EPS15: variants seen among roughly 807,000 people sequenced by gnomAD.
EPS15 encodes epidermal growth factor receptor pathway substrate 15.
A neutral mutation model predicts 113.8 loss-of-function variants in EPS15; 72 were observed. That is an observed-to-expected ratio of 0.63 (90% CI 0.52 to 0.77). The LOEUF is 0.77. Ranked by LOEUF, EPS15 falls within the 30% of genes least tolerant of loss-of-function variation. EPS15 has a pLI of 0.00. For missense variants in EPS15, 1,048 were observed against 1,045.8 expected, an observed-to-expected ratio of 1.00 and a Z score of -0.03; for synonymous variants, 344 against 363.4, an observed-to-expected ratio of 0.95 and a Z score of 0.61.
chr1:51,503,028 C>A, intron 1 of EPS15, among the ~76,000 whole-genome samples: 1 of 147,600 alleles, frequency 6.8e-6, no homozygotes, highest in Non-Finnish European at 1.5e-5. Context: ...AAAAAGAATT[C>A]CATTCACAAT....
intron 17 of EPS15, among the ~76,000 whole-genome samples, chr1:51,403,063 A>C (rs1045735794): frequency 1.3e-5 from 2 of 152,172 alleles, no homozygotes; most frequent in African/African-American, 4.8e-5. Context: ...AGTGATAAGG[A>C]CATTTTTTTA....
chr1:51,449,121 A>C (rs910837860), intron 8 of EPS15, among the ~76,000 whole-genome samples: 3 of 152,224 alleles, frequency 2.0e-5, no homozygotes, highest in Non-Finnish European at 2.9e-5. Context: ...ATTGTTTATC[A>C]TAAAGACATA....
chr1:51,408,010 T>C (rs1649293151), intron 15 of EPS15, 125 bp downstream of exon 15: 2 of 800,978 alleles, frequency 2.5e-6, no homozygotes, highest in Non-Finnish European at 4.3e-6. Context: ...ACCTATTGTA[T>C]AAAATGACTG....
At chr1:51,405,341 G>C (rs779813644) in intron 16 of EPS15, among the ~76,000 whole-genome samples, 11 of 151,706 alleles carry the variant, frequency 7.3e-5, no homozygotes, top group Non-Finnish European at 1.3e-4. Context: ...CTTTTGGTGA[G>C]GGTACTTAAA....
chr1:51,387,087 C>T (rs1647100998), intron 21 of EPS15, among the ~76,000 whole-genome samples: 2 of 152,162 alleles, frequency 1.3e-5, no homozygotes, highest in Admixed American at 6.5e-5. Context: ...GGGTTACCCA[C>T]AAAGGGAAGC....
At chr1:51,508,124 G>A (rs1197743765) in intron 1 of EPS15, among the ~76,000 whole-genome samples, 1 of 150,854 alleles carries the variant, frequency 6.6e-6, no homozygotes, top group Non-Finnish European at 1.5e-5. Context: ...GGAGGTTGCA[G>A]TGAGCTGAGA....
chr1:51,378,563 G>A (rs967625155), intron 21 of EPS15, among the ~76,000 whole-genome samples: 15 of 152,140 alleles, frequency 9.9e-5, no homozygotes, highest in Non-Finnish European at 2.1e-4. Context: ...TCCAAGGAAG[G>A]AGTTGTAAGA....
rs184294918 is a variant in EPS15, at chr1:51,489,559, T to C, written c.34-8245A>G. ...TCTCAAACTCCTGGCCTCAGGTGAC[T>C]AGTACAGCATCTTAAGGTGTTTAGG... On this transcript the variant is annotated intron_variant, in intron 1 of 24. Coordinates refer to ENST00000371733, the MANE Select transcript of EPS15 (RefSeq NM_001981.3). Among the ~76,000 whole-genome samples the C allele has an allele frequency of 6.6e-5, 10 of 152,076 alleles. No individual in the cohort carries two copies. The East Asian group carries it at 1.5e-3, about 24-fold the overall frequency.
intron 1 of EPS15, among the ~76,000 whole-genome samples, chr1:51,499,285 T>C (rs753843828): frequency 7.2e-5 from 11 of 152,378 alleles, no homozygotes; most frequent in Non-Finnish European, 1.2e-4. Flanking sequence ...TTTCAAGTCT[T>C]CAAGGTTTCT....
At chr1:51,499,104 A>C (rs2148548011) in intron 1 of EPS15, among the ~76,000 whole-genome samples, 1 of 152,320 alleles carries the variant, frequency 6.6e-6, no homozygotes, top group Non-Finnish European at 1.5e-5. Flanking sequence ...TCAGACACTG[A>C]ATCTGCTAGC....
At chr1:51,364,089 G>T in intron 22 of EPS15, 61 bp from the exon 23 acceptor site, 2 of 1,260,464 alleles carry the variant, frequency 1.6e-6, no homozygotes, top group Non-Finnish European at 1.1e-6. Context: ...TAGTCATGTA[G>T]CATTCAGAAT....
intron 13 of EPS15, among the ~76,000 whole-genome samples, chr1:51,415,535 G>A (rs909899176): frequency 2.6e-5 from 4 of 151,866 alleles, no homozygotes; most frequent in Admixed American, 6.6e-5. Context: ...GGTGGCTCAC[G>A]CCTGTAATCT....
chr1:51,437,383 CATT>C lies in EPS15; in HGVS notation c.1040+2961_1040+2963del, dbSNP rs1283515299. On this transcript the variant is annotated intron_variant, in intron 12 of 24. Transcript: ENST00000371733. ...TACAATGAATATGTATTATAACTAT[CATT>C]AAGAAAAAAGTATTATAAAGTACTA... Among the ~76,000 whole-genome samples the C allele has an allele frequency of 5.9e-5, 9 of 151,300 alleles. No individual in the cohort carries two copies. In the East Asian group the frequency reaches 1.7e-3, roughly 29 times the overall value.
At position 51,406,018 on chromosome 1, in the gene EPS15, C is replaced by T. The variant is rs1053844100; in HGVS notation, c.1564G>A (p.Gly522Arg). Reference sequence around the variant, plus strand: ...CTGAGGCTGCAATAATCTGTAGCTCCGTTTACAAGAATGCTGTGTGGGCTA... The same window carrying T: ...CTGAGGCTGCAATAATCTGTAGCTCTGTTTACAAGAATGCTGTGTGGGCTA... ...CSSPHSILVNGATDYCSLSTS... is the reference protein window; with the variant it reads ...CSSPHSILVNRATDYCSLSTS... The change falls in exon 16 of 25, where the codon GGA becomes AGA. Residue 522 changes from glycine (G) to arginine (R), a missense_variant. Gly to Arg is a moderately radical substitution (Grantham distance 125, BLOSUM62 -2). Coordinates refer to ENST00000371733, the MANE Select transcript of EPS15 (RefSeq NM_001981.3). The T allele has an allele frequency of 9.9e-6, 16 of 1,613,992 alleles. No individual in the cohort carries two copies. Among genetic ancestry groups the T allele is most frequent in the Admixed American group, 1.7e-5 (1 of 59,994 alleles).
At chr1:51,451,399 G>A (rs1380183688) in intron 8 of EPS15, among the ~76,000 whole-genome samples, 2 of 149,328 alleles carry the variant, frequency 1.3e-5, no homozygotes, top group South Asian at 4.2e-4. Context: ...GCTGGGGCAG[G>A]AGAATTGATT....
intron 12 of EPS15, among the ~76,000 whole-genome samples, chr1:51,429,022 G>C (rs1651472273): frequency 6.6e-6 from 1 of 152,034 alleles, no homozygotes; most frequent in African/African-American, 2.4e-5. Flanking sequence ...CTCTCAAGTA[G>C]CTAGGTCTAC....
chr1:51,430,328 G>T (rs1050705044), intron 12 of EPS15, among the ~76,000 whole-genome samples: 7 of 152,044 alleles, frequency 4.6e-5, no homozygotes, highest in Admixed American at 1.3e-4. Context: ...CAGCACTTTG[G>T]GAGGCCGAGG....
At chr1:51,403,361 C>T in intron 17 of EPS15, 58 bp downstream of exon 17, 1 of 880,288 alleles carries the variant, frequency 1.1e-6, no homozygotes, top group South Asian at 1.5e-5. Context: ...GATAATTCAC[C>T]TCCTCCTGTC....
At chr1:51,486,223 G>C (rs1242280412) in intron 1 of EPS15, among the ~76,000 whole-genome samples, 2 of 150,728 alleles carry the variant, frequency 1.3e-5, no homozygotes, top group African/African-American at 4.9e-5. Context: ...TTCGAGACCA[G>C]CCTGGCCAAT....
Sources: allele counts gnomAD v4.1 joint callset (sites outside exome capture counted in the v4.1 genomes callset), GRCh38; gene constraint gnomAD v4.1.1; transcripts MANE v1.5; gene names NCBI Gene and HGNC (gene_info 2026-07-23, HGNC 2026-07-21).